CDH12: variants seen among roughly 807,000 people sequenced by gnomAD.
CDH12 encodes the protein cadherin-12.
A neutral mutation model predicts 74.1 loss-of-function variants in CDH12; 41 were observed. That is an observed-to-expected ratio of 0.55 (90% confidence interval 0.43 to 0.72). The LOEUF (loss-of-function observed/expected upper bound fraction) is 0.72. CDH12 is among the 30% of genes least tolerant of loss of function. CDH12 has a pLI of 0.00. For synonymous variants in CDH12, 399 were observed against 355.0 expected (o/e 1.12, Z -1.39); for missense variants, 945 against 977.2 (o/e 0.97, Z 0.44).
intron 1 of CDH12, among the ~76,000 whole-genome samples, chr5:22,632,552 A>G (rs1057460839): frequency 4.6e-5 from 7 of 152,184 alleles, no homozygotes; most frequent in Non-Finnish European, 7.3e-5. Context: ...GAAGATGTTC[A>G]AAAGTTATTT....
intron 3 of CDH12, among the ~76,000 whole-genome samples, chr5:22,302,412 A>G (rs1737925400): frequency 1.3e-5 from 2 of 152,202 alleles, no homozygotes; most frequent in Non-Finnish European, 2.9e-5. Flanking sequence ...CTTATTTCAT[A>G]ACACTAGGAG....
intron 3 of CDH12, among the ~76,000 whole-genome samples, chr5:22,260,211 C>T (rs1055141913): frequency 6.6e-6 from 1 of 152,072 alleles, no homozygotes; most frequent in African/African-American, 2.4e-5. Flanking sequence ...CATCTATCCT[C>T]TCTTTTAAAT....
rs1749914293 is a variant in CDH12, at chr5:21,842,295, C to G, written c.680G>C (p.Arg227Thr). The G allele has an allele frequency of 1.2e-6, 2 of 1,612,332 alleles. No individual in the cohort carries two copies. Among genetic ancestry groups the G allele is most frequent in the Non-Finnish European group, 1.7e-6 (2 of 1,179,172 alleles). The change falls in exon 8 of 15, where the codon AGA (arginine) becomes ACA (threonine). Residue 227 changes from arginine to threonine, a missense_variant. By Grantham distance (71) the Arg-to-Thr change is moderately conservative (BLOSUM62 -1). Transcript: ENST00000382254. ...VIRTALPNMD[R>T]EVKEQYQVLI... ...TACTTGATATTGTTCTTTGACTTCT[C>G]TGTCCATGTTTGGCAAAGCTGTTCT...
chr5:22,143,092 T>G (rs553799604), intron 4 of CDH12: 1 of 154,330 alleles, frequency 6.5e-6, no homozygotes, highest in East Asian at 1.9e-4. Flanking sequence ...GCATTTAACT[T>G]TGTGAAAATT....
intron 5 of CDH12, among the ~76,000 whole-genome samples, chr5:22,010,657 A>G (rs1737243649): frequency 6.6e-6 from 1 of 152,164 alleles, no homozygotes; most frequent in Admixed American, 6.5e-5. Context: ...AGGATACAGA[A>G]TTGTCTGAAT....
At chr5:22,259,930 G>A (rs558851880) in intron 3 of CDH12, among the ~76,000 whole-genome samples, 1 of 151,982 alleles carries the variant, frequency 6.6e-6, no homozygotes, top group African/African-American at 2.4e-5. Context: ...GGTGAGCAGT[G>A]CTATAATTTA....
intron 3 of CDH12, among the ~76,000 whole-genome samples, chr5:22,402,856 T>G (rs1383947965): frequency 1.3e-5 from 2 of 152,184 alleles, no homozygotes. Context: ...CTTTTTCTAA[T>G]GGTGCAGATC....
intron 1 of CDH12, among the ~76,000 whole-genome samples, chr5:22,847,798 T>A (rs183202632): frequency 6.6e-6 from 1 of 152,320 alleles, no homozygotes; most frequent in African/African-American, 2.4e-5. Flanking sequence ...TATTATAAAC[T>A]TTCATGTTCA....
At chr5:22,828,199 G>A (rs115096702) in intron 1 of CDH12, among the ~76,000 whole-genome samples, 68 of 152,054 alleles carry the variant, frequency 4.5e-4, no homozygotes, top group African/African-American at 1.6e-3. Context: ...TACCCTAAAT[G>A]GATCAAAAGG....
chr5:22,726,090 G>A (rs1744149920), intron 1 of CDH12, among the ~76,000 whole-genome samples: 1 of 151,510 alleles, frequency 6.6e-6, no homozygotes, highest in Non-Finnish European at 1.5e-5. Context: ...GCCCCTTCTT[G>A]TTATATATTT....
chr5:22,251,646 A>C (rs1459755120), intron 3 of CDH12, among the ~76,000 whole-genome samples: 2 of 152,196 alleles, frequency 1.3e-5, no homozygotes, highest in East Asian at 3.9e-4. Flanking sequence ...GATGCCTTGC[A>C]CATGGTACAA....
intron 3 of CDH12, among the ~76,000 whole-genome samples, chr5:22,224,327 T>C (rs1181618619): frequency 1.3e-5 from 2 of 152,068 alleles, no homozygotes; most frequent in Non-Finnish European, 2.9e-5. Context: ...TCCATTTTAC[T>C]GACAAATTGA....
intron 1 of CDH12, among the ~76,000 whole-genome samples, chr5:22,839,011 G>A (rs1429128117): frequency 6.6e-6 from 1 of 152,102 alleles, no homozygotes; most frequent in African/African-American, 2.4e-5. Flanking sequence ...AGGCAAATTT[G>A]TCACTTAAGA....
intron 4 of CDH12, among the ~76,000 whole-genome samples, chr5:22,181,781 C>T (rs1208173483): frequency 2.0e-5 from 3 of 152,122 alleles, no homozygotes; most frequent in Non-Finnish European, 4.4e-5. Context: ...GCAAATTAGA[C>T]ATCTGGGAGT....
At chr5:21,862,325 G>A (rs2150009111) in intron 6 of CDH12, among the ~76,000 whole-genome samples, 1 of 152,146 alleles carries the variant, frequency 6.6e-6, no homozygotes, top group African/African-American at 2.4e-5. Flanking sequence ...ATAATATAAA[G>A]GCTTGGGATA....
At chr5:21,949,377 G>A (rs1414496206) in intron 6 of CDH12, among the ~76,000 whole-genome samples, 1 of 150,526 alleles carries the variant, frequency 6.6e-6, no homozygotes, top group Non-Finnish European at 1.5e-5. Flanking sequence ...GTGAACCCAG[G>A]AGGCGGAGCT....
At chr5:22,584,138 T>C (rs1740252101) in intron 1 of CDH12, among the ~76,000 whole-genome samples, 1 of 150,594 alleles carries the variant, frequency 6.6e-6, no homozygotes, top group Admixed American at 6.8e-5. Flanking sequence ...TCTTGCTCTG[T>C]CGCCAGGCTG....
At chr5:22,388,515 A>T (rs191460680) in intron 3 of CDH12, among the ~76,000 whole-genome samples, 1 of 152,236 alleles carries the variant, frequency 6.6e-6, no homozygotes, top group East Asian at 1.9e-4. Flanking sequence ...ATTAAATAAG[A>T]TCACAAAATT....
intron 4 of CDH12, among the ~76,000 whole-genome samples, chr5:22,151,367 G>C (rs1307441190): frequency 2.0e-5 from 3 of 152,192 alleles, no homozygotes; most frequent in Middle Eastern, 3.4e-3. Flanking sequence ...ACTCACTTTG[G>C]GAAATACCAG....
Sources: allele counts gnomAD v4.1 joint callset (sites outside exome capture counted in the v4.1 genomes callset), GRCh38; gene constraint gnomAD v4.1.1; transcripts MANE v1.5; gene names NCBI Gene and HGNC (gene_info 2026-07-23, HGNC 2026-07-21).